The following BAIAP2 variants were observed in gnomAD, a reference collection of about 807,000 sequenced individuals.
BAIAP2 encodes the protein BAR/IMD domain containing adaptor protein 2.
A neutral mutation model predicts 63.0 loss-of-function variants in BAIAP2; 18 were observed. The observed-to-expected ratio is 0.29, with a 90% CI of 0.20 to 0.42. The LOEUF is 0.42. Ranked by LOEUF, BAIAP2 falls within the 10% of genes least tolerant of loss-of-function variation. BAIAP2 has a pLI of 1.00. For synonymous variants in BAIAP2, 386 were observed against 307.6 expected, an observed-to-expected ratio of 1.25 and a Z score of -2.67; for missense variants, 610 against 734.3, an observed-to-expected ratio of 0.83 and a Z score of 1.96.
Position 81,037,220 on chromosome 17 carries a change from A to G in BAIAP2, c.54+1912A>G, listed in dbSNP as rs542320897. ...TCTTCCACGGGTGGGTTAATTGGTG[A>G]TTTTCCCAAGTGAAGATGTGGCGGT... On this transcript the variant is annotated intron_variant, in intron 1 of 13. Transcript: ENST00000428708. 2.0e-5 allele frequency among the ~76,000 whole-genome samples: 3 copies of G among 152,256 alleles called. No homozygotes were observed. In the East Asian group the frequency reaches 5.8e-4, roughly 29 times the overall value.
At chr17:81,059,069 C>T (rs1278657728) in intron 3 of BAIAP2, among the ~76,000 whole-genome samples, 2 of 152,192 alleles carry the variant, frequency 1.3e-5, no homozygotes, top group East Asian at 1.9e-4. Flanking sequence ...CGTCCTGCGC[C>T]GGGAGGCAGA....
chr17:81,099,801 G>C, intron 6 of BAIAP2, 127 bp from the exon 7 acceptor site: 1 of 1,139,422 alleles, frequency 8.8e-7, no homozygotes, highest in Non-Finnish European at 1.2e-6. Flanking sequence ...CGCAGATGCT[G>C]TTTTGTTTCC....
At chr17:81,090,879 C>T (rs943828027) in intron 6 of BAIAP2, among the ~76,000 whole-genome samples, 1 of 152,164 alleles carries the variant, frequency 6.6e-6, no homozygotes, top group African/African-American at 2.4e-5. Context: ...CTTTGCAAAC[C>T]CGGCCAGCGG....
At chr17:81,085,886 C>A (rs970372385) in intron 5 of BAIAP2, among the ~76,000 whole-genome samples, 161 bp downstream of exon 5, 4 of 152,246 alleles carry the variant, frequency 2.6e-5, no homozygotes, top group African/African-American at 9.6e-5. Context: ...GACCGAGTGC[C>A]CCTGGTGTGC....
chr17:81,107,107 A>C (rs1277030124), intron 12 of BAIAP2, 200 bp downstream of exon 12: 3 of 639,490 alleles, frequency 4.7e-6, no homozygotes, highest in Non-Finnish European at 7.5e-6. Flanking sequence ...TCGCCGCAGC[A>C]GGCTCCCTGT....
At chr17:81,099,288 A>G (rs72854132) in intron 6 of BAIAP2, among the ~76,000 whole-genome samples, 1 of 151,546 alleles carries the variant, frequency 6.6e-6, no homozygotes, top group Non-Finnish European at 1.5e-5. Flanking sequence ...CAGGTGTCTT[A>G]GCGTCCCGCT....
intron 1 of BAIAP2, among the ~76,000 whole-genome samples, chr17:81,040,342 C>T (rs922499977): frequency 6.6e-6 from 1 of 152,244 alleles, no homozygotes; most frequent in Non-Finnish European, 1.5e-5. Flanking sequence ...CGCTAAGATC[C>T]CTAGTAATTA....
rs1370102707 is a variant in BAIAP2, at chr17:81,046,187, C to T, written c.55-7481C>T. 1.3e-5 allele frequency among the ~76,000 whole-genome samples: 2 copies of T among 152,136 alleles called. No individual in the cohort carries two copies. The highest frequency in any genetic ancestry group is 4.8e-5 in the African/African-American group (2 of 41,420). ...TCACCGTCCCCCTTGGGATCCCGTT[C>T]TGCAGGCTCCAGCCCACCTTCAGGC... On this transcript the variant is annotated intron_variant, in intron 1 of 13. Transcript: ENST00000428708. The surrounding 1 kb of genome is among the most constrained non-coding windows in gnomAD (Gnocchi z 4.5).
At position 81,053,907 on chromosome 17, in the gene BAIAP2, C is replaced by G. The variant is rs1293540912; in HGVS notation, c.130+164C>G. On this transcript the variant is annotated intron_variant, in intron 2 of 13. Transcript: ENST00000428708. ...GAGCTGGTAGAACTGTGCCCGGGCC[C>G]CGTGGGGTGGGAGCTGCCTCCTGAG... The G allele has an allele frequency of 5.4e-5, 26 of 479,898 alleles. No individual in the cohort carries two copies. The East Asian group carries it at 7.7e-4, about 14-fold the overall frequency. The allele number at this position is 479,898 out of a possible 1,614,324, so 29.7% of individuals were successfully genotyped here. A position where few individuals can be genotyped will look rare whatever the true frequency, so the allele number is the denominator to read the frequency against.
intron 12 of BAIAP2, chr17:81,108,242 C>T (rs113608718): frequency 2.9e-5 from 17 of 592,028 alleles, no homozygotes; most frequent in Non-Finnish European, 3.9e-5. Flanking sequence ...TTGAGGTGGC[C>T]GCTGGCTGGA....
At chr17:81,040,402 C>G (rs1192701864) in intron 1 of BAIAP2, among the ~76,000 whole-genome samples, 2 of 152,244 alleles carry the variant, frequency 1.3e-5, no homozygotes, top group South Asian at 2.1e-4. Flanking sequence ...ACTTCCACCT[C>G]CCCCGAGCGC....
intron 3 of BAIAP2, among the ~76,000 whole-genome samples, chr17:81,078,792 G>A (rs1448177486): frequency 1.3e-5 from 2 of 152,130 alleles, no homozygotes; most frequent in African/African-American, 4.8e-5. Flanking sequence ...TGCTGCTCCA[G>A]GCTGGCAGCA....
rs2049889488 is a variant in BAIAP2, at chr17:81,057,983, C to CCCG, written c.217+18_217+19insGCC. 1.6e-6 allele frequency: 2 copies of CCCG among 1,212,408 alleles called. No individual in the cohort carries two copies. Among genetic ancestry groups the CCCG allele is most frequent in the African/African-American group, 2.0e-5 (1 of 50,532 alleles). 75.1% of individuals were successfully genotyped at this position (1,212,408 alleles called of 1,614,324 possible). Reference sequence around the variant, plus strand: ...AAAGAACTCGGTGAGACCCCCCCCCCCCCCCCGCCTGGTAGTCGCCTGATG... The same window carrying CCCG: ...AAAGAACTCGGTGAGACCCCCCCCCCCCGCCCCCCGCCTGGTAGTCGCCTGATG... On this transcript the variant is annotated intron_variant, in intron 3 of 13. Coordinates refer to ENST00000428708, the MANE Select transcript of BAIAP2 (RefSeq NM_001144888.2).
At chr17:81,098,314 TC>T (rs1185091799) in intron 6 of BAIAP2, 4 of 606,732 alleles carry the variant, frequency 6.6e-6, no homozygotes, top group African/African-American at 1.9e-5. Context: ...CGCCACTCTC[TC>T]CCCCAAACTC....
intron 6 of BAIAP2, among the ~76,000 whole-genome samples, chr17:81,096,464 A>T (rs939552778): frequency 6.6e-6 from 1 of 152,216 alleles, no homozygotes; most frequent in East Asian, 1.9e-4. Flanking sequence ...CTGGAGGCGC[A>T]CCCCAGCATC....
intron 10 of BAIAP2, chr17:81,104,987 C>CCCCCCAACGGCAGGGATCTT (rs2145933629): frequency 2.5e-6 from 1 of 394,006 alleles, no homozygotes; most frequent in East Asian, 4.7e-5. Flanking sequence ...GCAGGGATCT[C>CCCCCCAACGGCAGGGATCTT]CCCCCAACGG....
At chr17:81,072,998 C>T (rs1343039763) in intron 3 of BAIAP2, among the ~76,000 whole-genome samples, 2 of 152,242 alleles carry the variant, frequency 1.3e-5, no homozygotes, top group Non-Finnish European at 2.9e-5. Flanking sequence ...CCCCTTCCCA[C>T]AGCCCTGGGT....
intron 6 of BAIAP2, chr17:81,086,817 G>C: frequency 5.8e-6 from 3 of 513,992 alleles, no homozygotes; most frequent in Non-Finnish European, 7.0e-6. Context: ...GTCACTGAAA[G>C]GTTCTTGGCT....
At chr17:81,095,752 T>C (rs2057510283) in intron 6 of BAIAP2, among the ~76,000 whole-genome samples, 1 of 152,068 alleles carries the variant, frequency 6.6e-6, no homozygotes, top group South Asian at 2.1e-4. Flanking sequence ...GTACTTTCTG[T>C]CTCTCCCCCG....
Sources: allele counts gnomAD v4.1 joint callset (sites outside exome capture counted in the v4.1 genomes callset), GRCh38; gene constraint gnomAD v4.1.1; non-coding constraint Gnocchi (gnomAD v3.1); transcripts MANE v1.5; gene names NCBI Gene and HGNC (gene_info 2026-07-23, HGNC 2026-07-21).